Variants in CEP128 observed in about 807,000 individuals in gnomAD.
CEP128 encodes the protein centrosomal protein 128kDa.
In CEP128, 132 loss-of-function variants were observed where a neutral mutation model predicts 156.7. The observed-to-expected ratio is 0.84, with a 90% CI of 0.73 to 0.97. The LOEUF is 0.97. Among genes scored for constraint, CEP128 ranks in the 50% least tolerant of loss-of-function variants. The pLI is 0.00. For synonymous variants in CEP128, 469 were observed against 448.9 expected, an observed-to-expected ratio of 1.04 and a Z score of -0.57; for missense variants, 1,252 against 1,281.9, an observed-to-expected ratio of 0.98 and a Z score of 0.36.
intron 6 of CEP128, among the ~76,000 whole-genome samples, chr14:80,902,726 C>T (rs566826810): frequency 6.6e-6 from 1 of 152,050 alleles, no homozygotes; most frequent in Non-Finnish European, 1.5e-5. Flanking sequence ...ATGGCTCTAT[C>T]AATGATTCAA....
chr14:80,849,476 T>C (rs1034190037), intron 9 of CEP128, among the ~76,000 whole-genome samples: 4 of 152,190 alleles, frequency 2.6e-5, no homozygotes, highest in African/African-American at 7.2e-5. Flanking sequence ...TGTAACTTTT[T>C]TGTCACAACC....
chr14:80,916,014 A>G (rs1884528209), intron 3 of CEP128, among the ~76,000 whole-genome samples: 1 of 152,218 alleles, frequency 6.6e-6, no homozygotes, highest in Non-Finnish European at 1.5e-5. Flanking sequence ...AATCATAAAC[A>G]TCCGTAAAAG....
At chr14:80,820,762 C>G (rs561538643) in intron 13 of CEP128, among the ~76,000 whole-genome samples, 2 of 152,172 alleles carry the variant, frequency 1.3e-5, no homozygotes, top group Non-Finnish European at 2.9e-5. Context: ...AAGGTTTACA[C>G]TACAGAACAC....
chr14:80,795,287 T>G (rs529922265), intron 13 of CEP128, among the ~76,000 whole-genome samples: 1 of 152,306 alleles, frequency 6.6e-6, no homozygotes, highest in East Asian at 1.9e-4. Context: ...TTCCCATAAC[T>G]CTGGATTTAA....
chr14:80,564,105 T>G (rs930761463), intron 20 of CEP128, among the ~76,000 whole-genome samples: 2 of 152,220 alleles, frequency 1.3e-5, no homozygotes, highest in African/African-American at 4.8e-5. Flanking sequence ...AAGAGTTTTC[T>G]GGGAAAAAGC....
At chr14:80,541,148 T>G (rs1324926993) in intron 21 of CEP128, among the ~76,000 whole-genome samples, 1 of 152,132 alleles carries the variant, frequency 6.6e-6, no homozygotes, top group African/African-American at 2.4e-5. Flanking sequence ...TAACCCATGG[T>G]TCTCAGTTTC....
At chr14:80,693,012 G>A (rs180766858) in intron 19 of CEP128, among the ~76,000 whole-genome samples, 2 of 152,182 alleles carry the variant, frequency 1.3e-5, no homozygotes, top group African/African-American at 2.4e-5. Flanking sequence ...GGAAATCTGA[G>A]ATGAGACCTG....
chr14:80,792,750 G>A lies in CEP128; in HGVS notation c.1560+10C>T. On this transcript the variant is annotated intron_variant, in intron 14 of 24. Transcript: ENST00000555265. ...TTGAAAACCGTTCCTTAGGAATGTG[G>A]CTTTTATACCTGATTATTCTTGCCT... 6.2e-7 allele frequency: 1 copy of A among 1,606,856 alleles called. No individual in the cohort carries two copies. Among genetic ancestry groups the A allele is most frequent in the Non-Finnish European group, 8.5e-7 (1 of 1,174,172 alleles).
In CEP128 at chr14:80,550,760, A is replaced by T. The variant is rs189553109; in HGVS notation, c.2880+8519T>A. Among the ~76,000 whole-genome samples, 442 of 151,190 alleles carry T rather than the reference A, an allele frequency of 2.9e-3. 4 individuals carry two copies. Among genetic ancestry groups the T allele is most frequent in the African/African-American group, 0.01 (419 of 41,338 alleles). ...TTTTATAGACTGGATTAGCATTACA[A>T]TTAATATTAGGTATATTATAAATTT... On this transcript the variant is annotated intron_variant, in intron 21 of 24. Transcript: ENST00000555265.
intron 8 of CEP128, among the ~76,000 whole-genome samples, chr14:80,881,573 A>G (rs765971988): frequency 6.6e-6 from 1 of 152,214 alleles, no homozygotes; most frequent in Non-Finnish European, 1.5e-5. Context: ...TGGCCATTTT[A>G]CAAGAGCAGT....
chr14:80,775,167 T>C (rs1193898570), intron 16 of CEP128, among the ~76,000 whole-genome samples: 1 of 152,222 alleles, frequency 6.6e-6, no homozygotes, highest in African/African-American at 2.4e-5. Flanking sequence ...CACTTAATCC[T>C]AATAAAGGTA....
At chr14:80,842,907 T>C (rs951056219) in intron 9 of CEP128, among the ~76,000 whole-genome samples, 3 of 151,978 alleles carry the variant, frequency 2.0e-5, no homozygotes, top group African/African-American at 7.2e-5. Flanking sequence ...TGAGCCTTAA[T>C]AGAGGGTCCC....
chr14:80,535,626 C>T (rs1380867705), intron 21 of CEP128, among the ~76,000 whole-genome samples: 1 of 150,998 alleles, frequency 6.6e-6, no homozygotes, highest in African/African-American at 2.5e-5. Flanking sequence ...CACACACACA[C>T]ACACACATGG....
chr14:80,524,419 T>C (rs1398121944), intron 23 of CEP128, among the ~76,000 whole-genome samples: 1 of 152,204 alleles, frequency 6.6e-6, no homozygotes, highest in Non-Finnish European at 1.5e-5. Flanking sequence ...TTCTCTTATC[T>C]GAAGCATTTT....
At chr14:80,586,905 G>T (rs541817627) in intron 19 of CEP128, among the ~76,000 whole-genome samples, 1 of 152,220 alleles carries the variant, frequency 6.6e-6, no homozygotes, top group East Asian at 1.9e-4. Context: ...AAGAAAAATT[G>T]AATAAAGGTA....
chr14:80,905,243 A>G (rs567077838), intron 5 of CEP128, among the ~76,000 whole-genome samples: 24 of 152,210 alleles, frequency 1.6e-4, no homozygotes, highest in Middle Eastern at 3.4e-3. Flanking sequence ...TAAAAAACTC[A>G]TATGACCCCT....
rs1431110973 is a variant in CEP128, at chr14:80,777,617, T to C, written c.2376+265A>G. On this transcript the variant is annotated intron_variant, in intron 16 of 24. Coordinates refer to ENST00000555265, the MANE Select transcript of CEP128 (RefSeq NM_152446.5). ...TAGATCCTCAATAAACCATCATTCC[T>C]TTTTTTCTACTTCATTTCTAAATTT... Among the ~76,000 whole-genome samples the C allele has an allele frequency of 3.9e-5, 6 of 152,264 alleles. No homozygotes were observed. The East Asian group carries it at 1.2e-3, about 29-fold the overall frequency.
At chr14:80,604,531 T>G (rs1461027218) in intron 19 of CEP128, among the ~76,000 whole-genome samples, 2 of 152,122 alleles carry the variant, frequency 1.3e-5, no homozygotes, top group African/African-American at 4.8e-5. Flanking sequence ...TAGCATTATC[T>G]GCAATGTCCT....
intron 8 of CEP128, among the ~76,000 whole-genome samples, chr14:80,873,288 T>C (rs1032027484): frequency 1.3e-5 from 2 of 152,216 alleles, no homozygotes; most frequent in South Asian, 2.1e-4. Flanking sequence ...GCAATAATTA[T>C]GTGAAAGAGT....
Sources: allele counts gnomAD v4.1 joint callset (sites outside exome capture counted in the v4.1 genomes callset), GRCh38; gene constraint gnomAD v4.1.1; transcripts MANE v1.5; gene names NCBI Gene and HGNC (gene_info 2026-07-23, HGNC 2026-07-21).